The following ULK4 variants were observed in gnomAD, a reference collection of about 807,000 sequenced individuals.
ULK4 encodes inactive serine/threonine-protein kinase ULK4.
A neutral mutation model predicts 160.6 loss-of-function variants in ULK4; 133 were observed. The ratio of observed to expected loss-of-function variants is 0.83; its 90% CI spans 0.72 to 0.96. The LOEUF (loss-of-function observed/expected upper bound fraction) is 0.96. Ranked by LOEUF, ULK4 falls within the 40% of genes least tolerant of loss-of-function variation. The pLI, the probability that ULK4 is intolerant of heterozygous loss-of-function variation, is 0.00. For missense variants in ULK4, 1,580 were observed against 1,499.5 expected, an observed-to-expected ratio of 1.05 and a Z score of -0.89; for synonymous variants, 534 against 539.8, an observed-to-expected ratio of 0.99 and a Z score of 0.15.
At position 41,362,445 on chromosome 3, in the gene ULK4, T is replaced by A. The variant is rs573352114; in HGVS notation, c.3678+35634A>T. Among the ~76,000 whole-genome samples, 4 of 152,320 alleles carry A rather than the reference T, an allele frequency of 2.6e-5. No individual in the cohort carries two copies. In the East Asian group the frequency reaches 7.7e-4, roughly 29 times the overall value. ...CCTAAAAATAGATCCCTAGAGGATT[T>A]TGCCAACTCTTCATATACTAGGGTA... On this transcript the variant is annotated intron_variant, in intron 35 of 36. Coordinates refer to ENST00000301831, the MANE Select transcript of ULK4 (RefSeq NM_017886.4).
intron 32 of ULK4, among the ~76,000 whole-genome samples, chr3:41,562,886 A>C (rs2087645118): frequency 6.6e-6 from 1 of 152,134 alleles, no homozygotes; most frequent in African/African-American, 2.4e-5. Context: ...GTTATGTGTG[A>C]ATTTGATCCT....
chr3:41,256,819 T>C (rs1283752975), intron 35 of ULK4, among the ~76,000 whole-genome samples: 1 of 152,204 alleles, frequency 6.6e-6, no homozygotes, highest in Non-Finnish European at 1.5e-5. Context: ...AACTTACATA[T>C]CTGATAAAGG....
At chr3:41,837,141 T>C (rs1310374784) in intron 17 of ULK4, among the ~76,000 whole-genome samples, 1 of 152,040 alleles carries the variant, frequency 6.6e-6, no homozygotes, top group African/African-American at 2.4e-5. Context: ...CAAATAAGAG[T>C]ATGAAAAAGT....
chr3:41,511,831 C>CA (rs1260788798), intron 32 of ULK4, among the ~76,000 whole-genome samples: 2 of 151,722 alleles, frequency 1.3e-5, no homozygotes, highest in Non-Finnish European at 2.9e-5. Context: ...AAGGACATAA[C>CA]AAAAAAAGAA....
At chr3:41,908,533 C>T (rs1440590783) in intron 11 of ULK4, among the ~76,000 whole-genome samples, 2 of 152,006 alleles carry the variant, frequency 1.3e-5, no homozygotes, top group East Asian at 3.9e-4. Flanking sequence ...GCAACCTCCA[C>T]CTCCTGGGTT....
intron 35 of ULK4, among the ~76,000 whole-genome samples, chr3:41,272,765 C>T (rs2079160483): frequency 6.6e-6 from 1 of 152,082 alleles, no homozygotes; most frequent in Non-Finnish European, 1.5e-5. Flanking sequence ...TAAAGTTATC[C>T]AACAGTTATC....
In ULK4 at chr3:41,898,501, T is replaced by A. The variant is rs1625226; in HGVS notation, c.1288-9A>T. On this transcript the variant is annotated splice_polypyrimidine_tract_variant and intron_variant, in intron 13 of 36. Transcript: ENST00000301831. ...GGTGGCTGTTTCATTATCTGTGGTT[T>A]AAAAAAAAAGAAAGCTTTTGAGACA... 1,275,977 of 1,348,298 alleles carry A rather than the reference T, an allele frequency of 0.95. 604,270 individuals are homozygous for A. The highest frequency in any genetic ancestry group is 0.97 in the East Asian group (35,613 of 36,836). 83.5% of individuals were successfully genotyped at this position (1,348,298 alleles called of 1,614,324 possible).
At chr3:41,422,490 C>T (rs941543549) in intron 34 of ULK4, among the ~76,000 whole-genome samples, 1 of 152,070 alleles carries the variant, frequency 6.6e-6, no homozygotes, top group Admixed American at 6.5e-5. Context: ...ATTCTGATGT[C>T]AATTTTGATA....
At chr3:41,685,980 G>A (rs745920149) in intron 27 of ULK4, among the ~76,000 whole-genome samples, 30 of 151,990 alleles carry the variant, frequency 2.0e-4, no homozygotes, top group Non-Finnish European at 3.7e-4. Flanking sequence ...CAGGAATATC[G>A]TGATCTTAGC....
chr3:41,744,773 C>T (rs895426328), intron 22 of ULK4, among the ~76,000 whole-genome samples: 8 of 151,732 alleles, frequency 5.3e-5, no homozygotes, highest in Non-Finnish European at 1.0e-4. Flanking sequence ...GCTTTTCAAG[C>T]GCCCTGTACC....
intron 23 of ULK4, 103 bp from the exon 24 acceptor site, chr3:41,715,671 T>C: frequency 7.0e-7 from 1 of 1,438,240 alleles, no homozygotes; most frequent in Non-Finnish European, 9.4e-7. Context: ...AGGTAATTAA[T>C]CTCCAAATAA....
At chr3:41,328,668 C>T (rs1338391078) in intron 35 of ULK4, among the ~76,000 whole-genome samples, 1 of 152,114 alleles carries the variant, frequency 6.6e-6, no homozygotes, top group Non-Finnish European at 1.5e-5. Flanking sequence ...AGGTGCTGAG[C>T]TTCCTGATAC....
intron 32 of ULK4, among the ~76,000 whole-genome samples, chr3:41,521,970 T>G (rs1426835040): frequency 6.6e-6 from 1 of 152,154 alleles, no homozygotes; most frequent in Non-Finnish European, 1.5e-5. Flanking sequence ...CAAAAAAGGA[T>G]CTTTCCGTAG....
At chr3:41,310,538 A>G (rs561000627) in intron 35 of ULK4, among the ~76,000 whole-genome samples, 73 of 152,354 alleles carry the variant, frequency 4.8e-4, no homozygotes, top group Non-Finnish European at 6.6e-4. Flanking sequence ...CACTCGAAAC[A>G]TGATCACAAT....
chr3:41,312,644 AAAAC>A (rs142861881), intron 35 of ULK4, among the ~76,000 whole-genome samples: 29 of 151,642 alleles, frequency 1.9e-4, no homozygotes, highest in South Asian at 4.2e-4. Context: ...AAAAAAAACA[AAAAC>A]AAACAAACAA....
intron 17 of ULK4, among the ~76,000 whole-genome samples, chr3:41,867,701 T>C (rs1212612330): frequency 6.6e-6 from 1 of 152,236 alleles, no homozygotes; most frequent in Non-Finnish European, 1.5e-5. Flanking sequence ...TTAGTAAACC[T>C]TCCAGGCAAT....
At chr3:41,706,337 A>G (rs9854591) in intron 25 of ULK4, among the ~76,000 whole-genome samples, 28,783 of 146,540 alleles carry the variant, frequency 0.2, 7,713 homozygotes, top group African/African-American at 0.61. Context: ...CTTGCCACTA[A>G]TAAACAAAAT....
chr3:41,909,526 C>T (rs1395319154), intron 11 of ULK4, among the ~76,000 whole-genome samples: 1 of 149,290 alleles, frequency 6.7e-6, no homozygotes, highest in East Asian at 2.0e-4. Flanking sequence ...AGCTGGGCAA[C>T]TCGGAGAAAC....
At position 41,248,674 on chromosome 3, in the gene ULK4, C is replaced by T. The variant is rs558834584; in HGVS notation, c.3764+815G>A. 7.2e-5 allele frequency among the ~76,000 whole-genome samples: 11 copies of T among 152,304 alleles called. No individual in the cohort carries two copies. The South Asian group carries it at 2.3e-3, about 32-fold the overall frequency. On this transcript the variant is annotated intron_variant, in intron 36 of 36. Coordinates refer to ENST00000301831, the MANE Select transcript of ULK4 (RefSeq NM_017886.4). ...TCATAGAAACATGTAGTTCTAAAAA[C>T]AGAATCTACCAGGAAATGGCAGACA...
Sources: allele counts gnomAD v4.1 joint callset (sites outside exome capture counted in the v4.1 genomes callset), GRCh38; gene constraint gnomAD v4.1.1; transcripts MANE v1.5; gene names NCBI Gene and HGNC (gene_info 2026-07-23, HGNC 2026-07-21).